RIMS2: variants seen among roughly 807,000 people sequenced by gnomAD.
The protein encoded by RIMS2 is regulating synaptic membrane exocytosis 2.
In RIMS2, 59 loss-of-function variants were observed where a neutral mutation model predicts 174.4. The observed-to-expected ratio is 0.34, with a 90% CI of 0.27 to 0.42. The LOEUF (loss-of-function observed/expected upper bound fraction) is 0.42. Ranked by LOEUF, RIMS2 falls within the 10% of genes least tolerant of loss-of-function variation. The probability of loss-of-function intolerance (pLI) is 1.00; values close to 1 mark genes in which losing one functional copy is unlikely to be tolerated. For missense variants in RIMS2, 1,620 were observed against 1,666.3 expected (o/e 0.97, Z 0.48); for synonymous variants, 606 against 572.5 (o/e 1.06, Z -0.84).
At chr8:104,189,685 G>A (rs777552644) in intron 19 of RIMS2, among the ~76,000 whole-genome samples, 10 of 148,630 alleles carry the variant, frequency 6.7e-5, no homozygotes, top group East Asian at 2.0e-4. Flanking sequence ...CTATATATAC[G>A]CATTTAAATT....
At chr8:103,802,838 A>G (rs2098622470) in intron 3 of RIMS2, among the ~76,000 whole-genome samples, 1 of 152,188 alleles carries the variant, frequency 6.6e-6, no homozygotes, top group African/African-American at 2.4e-5. Context: ...AAGGTCATAC[A>G]AGGTCTAGTC....
At chr8:104,129,593 C>T (rs931741529) in intron 19 of RIMS2, among the ~76,000 whole-genome samples, 1 of 152,170 alleles carries the variant, frequency 6.6e-6, no homozygotes, top group African/African-American at 2.4e-5. Flanking sequence ...AAAATGGGTT[C>T]ATCATCAGAC....
intron 14 of RIMS2, among the ~76,000 whole-genome samples, chr8:103,950,873 TG>T (rs2085178576): frequency 6.6e-6 from 1 of 152,188 alleles, no homozygotes; most frequent in Admixed American, 6.5e-5. Flanking sequence ...GAAAGTCAAA[TG>T]GGATCTATAC....
intron 19 of RIMS2, among the ~76,000 whole-genome samples, chr8:104,062,848 G>A (rs1293123203): frequency 6.6e-6 from 1 of 151,920 alleles, no homozygotes; most frequent in Non-Finnish European, 1.5e-5. Context: ...TTTCTTAAAA[G>A]TTCATAAAAT....
chr8:103,704,618 C>A (rs2097203377), intron 2 of RIMS2, among the ~76,000 whole-genome samples: 1 of 151,948 alleles, frequency 6.6e-6, no homozygotes, highest in Non-Finnish European at 1.5e-5. Flanking sequence ...TGTTTGATGA[C>A]AGACTTTTTA....
intron 19 of RIMS2, among the ~76,000 whole-genome samples, chr8:104,240,821 T>G (rs988241565): frequency 6.6e-6 from 1 of 152,148 alleles, no homozygotes; most frequent in African/African-American, 2.4e-5. Flanking sequence ...TCAAATTCTG[T>G]ATCTGGTAAT....
intron 3 of RIMS2, among the ~76,000 whole-genome samples, chr8:103,828,441 G>C (rs2098805090): frequency 6.6e-6 from 1 of 152,038 alleles, no homozygotes; most frequent in Admixed American, 6.6e-5. Flanking sequence ...TTGGGTTTTT[G>C]CTTGTTAATT....
chr8:104,061,887 T>C (rs1187446273), intron 19 of RIMS2, among the ~76,000 whole-genome samples: 2 of 152,026 alleles, frequency 1.3e-5, no homozygotes, highest in East Asian at 1.9e-4. Flanking sequence ...AATATACTTG[T>C]GTACACATCT....
chr8:104,062,983 C>T (rs950157794), intron 19 of RIMS2, among the ~76,000 whole-genome samples: 1 of 151,704 alleles, frequency 6.6e-6, no homozygotes, highest in African/African-American at 2.4e-5. Context: ...GAAGAAAAGC[C>T]TCAGATAATA....
chr8:104,185,605 A>G (rs777936837), intron 19 of RIMS2, among the ~76,000 whole-genome samples: 2 of 151,754 alleles, frequency 1.3e-5, no homozygotes, highest in Non-Finnish European at 3.0e-5. Context: ...AAAAGAAGAC[A>G]TACAAATGGC....
chr8:104,172,642 TA>T (rs371212896), intron 19 of RIMS2, among the ~76,000 whole-genome samples: 33 of 152,314 alleles, frequency 2.2e-4, no homozygotes, highest in African/African-American at 7.9e-4. Flanking sequence ...ATATGGCCCT[TA>T]ACAGAAAAAG....
At chr8:104,222,463 C>T (rs2511575) in intron 19 of RIMS2, among the ~76,000 whole-genome samples, 50,571 of 152,064 alleles carry the variant, frequency 0.33, 8,698 homozygotes, top group African/African-American at 0.42. Context: ...CTATTACACA[C>T]GCCCAGTGAT....
chr8:104,100,831 T>C (rs1332029128), intron 19 of RIMS2, among the ~76,000 whole-genome samples: 1 of 140,982 alleles, frequency 7.1e-6, no homozygotes, highest in East Asian at 2.0e-4. Context: ...ATATATGTAA[T>C]ATATAATATA....
chr8:104,216,373 C>T (rs1191448189), intron 19 of RIMS2, among the ~76,000 whole-genome samples: 1 of 152,144 alleles, frequency 6.6e-6, no homozygotes, highest in African/African-American at 2.4e-5. Context: ...TTCTTATTAG[C>T]AGTTTCATTG....
chr8:103,922,254 T>C, intron 10 of RIMS2, among the ~76,000 whole-genome samples: 1 of 151,912 alleles, frequency 6.6e-6, no homozygotes, highest in East Asian at 1.9e-4. Context: ...AATAAAATGA[T>C]ACTTGAGATA....
intron 1 of RIMS2, among the ~76,000 whole-genome samples, chr8:103,691,566 A>G (rs2097025426): frequency 6.6e-6 from 1 of 152,130 alleles, no homozygotes; most frequent in Non-Finnish European, 1.5e-5. Flanking sequence ...AATTTATCTG[A>G]TAGGATTCTG....
intron 19 of RIMS2, among the ~76,000 whole-genome samples, chr8:104,136,268 A>G (rs2098518958): frequency 6.6e-6 from 1 of 152,218 alleles, no homozygotes; most frequent in South Asian, 2.1e-4. Flanking sequence ...GCTAAAAGCA[A>G]TAATACAGCA....
chr8:104,107,286 C>T (rs1402926219), intron 19 of RIMS2, among the ~76,000 whole-genome samples: 4 of 152,058 alleles, frequency 2.6e-5, no homozygotes, highest in South Asian at 2.1e-4. Context: ...TCTTCCATGA[C>T]GTACCTTCTC....
intron 1 of RIMS2, among the ~76,000 whole-genome samples, chr8:103,613,164 A>T (rs557518078): frequency 2.6e-5 from 4 of 152,282 alleles, no homozygotes; most frequent in Non-Finnish European, 5.9e-5. Flanking sequence ...GAGTCCAGAG[A>T]TGCTTTCTTG....
Sources: allele counts gnomAD v4.1 joint callset (sites outside exome capture counted in the v4.1 genomes callset), GRCh38; gene constraint gnomAD v4.1.1; transcripts MANE v1.5; gene names NCBI Gene and HGNC (gene_info 2026-07-23, HGNC 2026-07-21).